ZNF385D: variants seen among roughly 807,000 people sequenced by gnomAD.
ZNF385D encodes the protein zinc finger protein 385D, also known as zinc finger protein 659.
A neutral mutation model predicts 35.8 loss-of-function variants in ZNF385D; 15 were observed. That is an observed-to-expected ratio of 0.42 (90% CI 0.28 to 0.64). ZNF385D has a LOEUF of 0.64. ZNF385D is among the 30% of genes least tolerant of loss of function. The pLI, the probability that ZNF385D is intolerant of heterozygous loss-of-function variation, is 0.23. For missense variants in ZNF385D, 474 were observed against 494.6 expected, an observed-to-expected ratio of 0.96 and a Z score of 0.39; for synonymous variants, 212 against 186.8, an observed-to-expected ratio of 1.13 and a Z score of -1.10.
chr3:21,816,083 C>CGT (rs1553674852), intron 3 of ZNF385D, among the ~76,000 whole-genome samples: 2 of 151,426 alleles, frequency 1.3e-5, no homozygotes, highest in African/African-American at 4.8e-5. Flanking sequence ...ACAAAAACCA[C>CGT]GATTATCTCC....
chr3:22,019,063 T>TTTTTTTTTTTTTTTTTTTTTTTTTG (rs1697068901), intron 3 of ZNF385D, among the ~76,000 whole-genome samples: 1 of 118,276 alleles, frequency 8.5e-6, no homozygotes, highest in Admixed American at 1.0e-4. Flanking sequence ...TTTTTTTTTT[T>TTTTTTTTTTTTTTTTTTTTTTTTTG]TTTTATGAAG....
chr3:21,542,259 A>G (rs929301243), intron 3 of ZNF385D, among the ~76,000 whole-genome samples: 2 of 152,190 alleles, frequency 1.3e-5, no homozygotes, highest in African/African-American at 4.8e-5. Context: ...CACTGTGGAA[A>G]AGGAAGCCTA....
At chr3:21,500,904 T>G (rs980410518) in intron 4 of ZNF385D, among the ~76,000 whole-genome samples, 2 of 152,178 alleles carry the variant, frequency 1.3e-5, no homozygotes, top group Non-Finnish European at 2.9e-5. Context: ...TGCAGGCAAT[T>G]AGAAACTGGG....
chr3:22,253,579 G>C (rs1039252032), intron 2 of ZNF385D, among the ~76,000 whole-genome samples: 1 of 151,920 alleles, frequency 6.6e-6, no homozygotes, highest in East Asian at 1.9e-4. Flanking sequence ...CTCATGACAT[G>C]ATAGGACTCA....
chr3:21,776,074 A>C (rs1190497735), intron 3 of ZNF385D, among the ~76,000 whole-genome samples: 2 of 151,132 alleles, frequency 1.3e-5, no homozygotes, highest in Non-Finnish European at 3.0e-5. Context: ...TATACAATCA[A>C]AATCTTCTGT....
At chr3:22,014,552 A>C (rs756961746) in intron 3 of ZNF385D, among the ~76,000 whole-genome samples, 15 of 152,172 alleles carry the variant, frequency 9.9e-5, no homozygotes, top group Non-Finnish European at 5.9e-5. Flanking sequence ...CCCCAAACCC[A>C]CATCCACCTA....
At chr3:21,967,232 A>C (rs1052449729) in intron 3 of ZNF385D, among the ~76,000 whole-genome samples, 3 of 152,050 alleles carry the variant, frequency 2.0e-5, no homozygotes, top group Non-Finnish European at 4.4e-5. Flanking sequence ...AGTCCTGGGG[A>C]AGTAAATAAT....
At chr3:21,600,551 T>C (rs896246941) in intron 2 of ZNF385D, among the ~76,000 whole-genome samples, 5 of 152,216 alleles carry the variant, frequency 3.3e-5, no homozygotes, top group Non-Finnish European at 7.3e-5. Context: ...TATTGCTGAT[T>C]CTGCCACTAC....
intron 4 of ZNF385D, among the ~76,000 whole-genome samples, chr3:21,470,926 G>C (rs1313158310): frequency 6.6e-6 from 1 of 152,056 alleles, no homozygotes; most frequent in African/African-American, 2.4e-5. Flanking sequence ...GGTGCCATTA[G>C]AGTCTGATAG....
intron 4 of ZNF385D, among the ~76,000 whole-genome samples, chr3:21,469,201 A>G (rs138461909): frequency 1.3e-5 from 2 of 152,228 alleles, no homozygotes; most frequent in Non-Finnish European, 2.9e-5. Context: ...CAGTAAAGCA[A>G]TTAAAACTTC....
rs140017962 is a variant in ZNF385D at position 21,646,102 on chromosome 3, G to GT, written c.165+18783dup. Among the ~76,000 whole-genome samples the GT allele has an allele frequency of 1.3e-5, 2 of 151,858 alleles. No homozygotes were observed. The highest frequency in any genetic ancestry group is 2.9e-5 in the Non-Finnish European group (2 of 67,940). The stretch of plus-strand genomic sequence containing the variant: ...AGGCTGAGGCCAAAGTGTCAGATAA[G>GT]TTTTTTTTAAAGAAAGAAAACCTCA... On this transcript the variant is annotated intron_variant, in intron 2 of 7. Coordinates refer to ENST00000281523, the MANE Select transcript of ZNF385D (RefSeq NM_024697.3). This position sits in a 1 kb window ranked among gnomAD's most constrained non-coding sequence, Gnocchi z 4.3.
At chr3:21,476,438 C>T (rs1475450086) in intron 4 of ZNF385D, among the ~76,000 whole-genome samples, 3 of 152,036 alleles carry the variant, frequency 2.0e-5, no homozygotes, top group East Asian at 1.9e-4. Flanking sequence ...ATCCAACCCT[C>T]ACATACAAAT....
chr3:22,286,401 A>T (rs1702026627), intron 2 of ZNF385D, among the ~76,000 whole-genome samples: 1 of 151,764 alleles, frequency 6.6e-6, no homozygotes, highest in Non-Finnish European at 1.5e-5. Context: ...TATTTCATTT[A>T]TTTCTGCTCT....
chr3:21,534,128 T>A (rs1271774813), intron 3 of ZNF385D, among the ~76,000 whole-genome samples: 16 of 143,492 alleles, frequency 1.1e-4, no homozygotes, highest in Non-Finnish European at 1.5e-5. Flanking sequence ...CTCACAGAAG[T>A]TAAAAAAAAA....
intron 2 of ZNF385D, among the ~76,000 whole-genome samples, chr3:22,282,483 G>GT (rs1311503697): frequency 6.6e-6 from 1 of 151,878 alleles, no homozygotes; most frequent in Non-Finnish European, 1.5e-5. Context: ...TGTTTTCATT[G>GT]TTGACCCAAA....
At chr3:21,541,500 A>G (rs1032743577) in intron 3 of ZNF385D, among the ~76,000 whole-genome samples, 1 of 152,166 alleles carries the variant, frequency 6.6e-6, no homozygotes, top group African/African-American at 2.4e-5. Context: ...AAATTAGACA[A>G]CAACAAATAG....
chr3:21,499,698 A>G (rs2125434814), intron 4 of ZNF385D, among the ~76,000 whole-genome samples: 1 of 152,110 alleles, frequency 6.6e-6, no homozygotes, highest in South Asian at 2.1e-4. Context: ...CAAATGGGTC[A>G]GTATCATTAC....
At chr3:21,732,011 GT>G (rs1176270073) in intron 1 of ZNF385D, among the ~76,000 whole-genome samples, 3 of 101,486 alleles carry the variant, frequency 3.0e-5, no homozygotes, top group Non-Finnish European at 6.2e-5. Flanking sequence ...TCTATTCAGG[GT>G]TTTTTTCTTT....
intron 3 of ZNF385D, among the ~76,000 whole-genome samples, chr3:21,923,677 TA>T (rs1382926247): frequency 4.0e-5 from 6 of 149,140 alleles, no homozygotes; most frequent in East Asian, 1.9e-4. Flanking sequence ...TATGCAGCCA[TA>T]AAAAAGAACA....
Sources: gnomAD v4.1 joint callset for allele counts (sites outside exome capture counted in the v4.1 genomes callset) on GRCh38, gnomAD v4.1.1 for gene constraint, Gnocchi (gnomAD v3.1) non-coding constraint, MANE v1.5 for transcripts, NCBI Gene and HGNC (gene_info 2026-07-23, HGNC 2026-07-21) for gene names.